SCLT1: variants seen among roughly 807,000 people sequenced by gnomAD.
The protein encoded by SCLT1 is sodium channel-associated protein 1.
In SCLT1, 78 loss-of-function variants were observed where a neutral mutation model predicts 112.8. That is an observed-to-expected ratio of 0.69 (90% CI 0.58 to 0.83). The LOEUF is 0.83. Ranked by LOEUF, SCLT1 falls within the 40% of genes least tolerant of loss-of-function variation. SCLT1 has a pLI of 0.00. For missense variants in SCLT1, 747 were observed against 770.4 expected, an observed-to-expected ratio of 0.97 and a Z score of 0.36; for synonymous variants, 257 against 254.7, an observed-to-expected ratio of 1.01 and a Z score of -0.09.
At chr4:129,035,515 A>T (rs1747101981) in intron 5 of SCLT1, among the ~76,000 whole-genome samples, 1 of 151,974 alleles carries the variant, frequency 6.6e-6, no homozygotes, top group African/African-American at 2.4e-5. Flanking sequence ...CTGGAACAAA[A>T]TTAGGGTTAT....
intron 2 of SCLT1, among the ~76,000 whole-genome samples, chr4:129,074,491 A>C (rs1036718282): frequency 6.6e-6 from 1 of 152,190 alleles, no homozygotes; most frequent in Non-Finnish European, 1.5e-5. Context: ...AACTTTTAGA[A>C]GAAAAAACTC....
intron 2 of SCLT1, 147 bp downstream of exon 2, chr4:129,082,159 G>A (rs1720888724): frequency 2.5e-6 from 1 of 401,160 alleles, no homozygotes; most frequent in East Asian, 3.8e-5. Flanking sequence ...GGGGGGAAAA[G>A]GGCAATTTCT....
intron 5 of SCLT1, among the ~76,000 whole-genome samples, chr4:129,015,814 C>T (rs141977303): frequency 2.0e-5 from 3 of 152,282 alleles, no homozygotes; most frequent in African/African-American, 4.8e-5. Flanking sequence ...CCACTTCATT[C>T]CAGCTTCTGT....
chr4:129,064,476 C>A (rs1750292719), intron 2 of SCLT1, among the ~76,000 whole-genome samples: 1 of 152,116 alleles, frequency 6.6e-6, no homozygotes, highest in Non-Finnish European at 1.5e-5. Flanking sequence ...ATTCTATGAG[C>A]CATTTCAAGT....
At chr4:129,022,389 G>A (rs1033375100) in intron 5 of SCLT1, among the ~76,000 whole-genome samples, 2 of 152,128 alleles carry the variant, frequency 1.3e-5, no homozygotes, top group Non-Finnish European at 2.9e-5. Flanking sequence ...AAGGAAGCTA[G>A]GAACCTTGAC....
At chr4:129,037,161 A>G (rs1474800172) in intron 5 of SCLT1, 1 of 152,090 alleles carries the variant, frequency 6.6e-6, no homozygotes, top group Non-Finnish European at 1.5e-5. Flanking sequence ...GTTAAAAAAA[A>G]AAAAGAAAAA....
At chr4:128,873,834 C>A (rs1428186763) in intron 5 of SCLT1, 1 of 152,614 alleles carries the variant, frequency 6.6e-6, no homozygotes, top group Non-Finnish European at 1.5e-5. Context: ...CTGCAGTTAA[C>A]TTTCAAGTCT....
chr4:128,910,147 G>A (rs954475386), intron 18 of SCLT1, among the ~76,000 whole-genome samples: 4 of 152,142 alleles, frequency 2.6e-5, no homozygotes, highest in African/African-American at 9.7e-5. Flanking sequence ...ACTGCAAAAG[G>A]ATCTGTACAG....
chr4:128,949,218 T>C (rs1435172935), intron 14 of SCLT1, among the ~76,000 whole-genome samples: 3 of 131,302 alleles, frequency 2.3e-5, no homozygotes, highest in Admixed American at 7.7e-5. Flanking sequence ...GTATGGCTTG[T>C]TTTTTTTTTT....
chr4:128,978,978 G>C (rs537737790), intron 9 of SCLT1, among the ~76,000 whole-genome samples: 1 of 152,156 alleles, frequency 6.6e-6, no homozygotes, highest in South Asian at 2.1e-4. Context: ...CCAGGTCTGG[G>C]GGGTAAATAA....
At chr4:129,063,134 T>C (rs766274067) in intron 2 of SCLT1, among the ~76,000 whole-genome samples, 14 of 152,232 alleles carry the variant, frequency 9.2e-5, no homozygotes, top group Admixed American at 2.0e-4. Flanking sequence ...AGTTCACAGA[T>C]TATTTCTTCT....
At chr4:129,062,441 A>G (rs1579897857) in intron 2 of SCLT1, among the ~76,000 whole-genome samples, 3 of 152,180 alleles carry the variant, frequency 2.0e-5, no homozygotes, top group Middle Eastern at 3.4e-3. Flanking sequence ...ATACACCACC[A>G]TTACAGTGTC....
intron 5 of SCLT1, among the ~76,000 whole-genome samples, chr4:129,004,852 A>C: frequency 6.6e-6 from 1 of 151,604 alleles, no homozygotes; most frequent in East Asian, 1.9e-4. Context: ...CTCTGAAGAA[A>C]GGACAGAGCT....
intron 5 of SCLT1, among the ~76,000 whole-genome samples, chr4:129,020,528 G>A (rs947577799): frequency 6.6e-6 from 1 of 152,142 alleles, no homozygotes; most frequent in Non-Finnish European, 1.5e-5. Context: ...GGATTTCTTC[G>A]GGATTTGGAC....
At chr4:128,981,285 T>C (rs1316566534) in intron 9 of SCLT1, among the ~76,000 whole-genome samples, 1 of 152,184 alleles carries the variant, frequency 6.6e-6, no homozygotes, top group East Asian at 1.9e-4. Context: ...ATTTAGTTTA[T>C]AGTTTAAATA....
intron 2 of SCLT1, among the ~76,000 whole-genome samples, chr4:129,070,612 T>C (rs1288269790): frequency 6.6e-6 from 1 of 152,170 alleles, no homozygotes; most frequent in Non-Finnish European, 1.5e-5. Context: ...ATACCTCGCG[T>C]TTCATTTCTT....
chr4:129,064,422 G>A (rs865780314), intron 2 of SCLT1, among the ~76,000 whole-genome samples: 11 of 152,182 alleles, frequency 7.2e-5, no homozygotes, highest in African/African-American at 2.6e-4. Flanking sequence ...AAGAGTATCT[G>A]CAACTGACCC....
intron 18 of SCLT1, among the ~76,000 whole-genome samples, chr4:128,929,030 A>G (rs545994707): frequency 6.6e-6 from 1 of 152,312 alleles, no homozygotes; most frequent in South Asian, 2.1e-4. Context: ...ATTGCATTGG[A>G]AGTCCTAGCT....
At chr4:129,033,657 T>A (rs1560993387) in intron 5 of SCLT1, among the ~76,000 whole-genome samples, 1 of 151,530 alleles carries the variant, frequency 6.6e-6, no homozygotes, top group Non-Finnish European at 1.5e-5. Flanking sequence ...AGAGACTGGA[T>A]GAAGGGAAAA....
Sources: gnomAD v4.1 joint callset for allele counts (sites outside exome capture counted in the v4.1 genomes callset) on GRCh38, gnomAD v4.1.1 for gene constraint, MANE v1.5 for transcripts, NCBI Gene and HGNC (gene_info 2026-07-23, HGNC 2026-07-21) for gene names.